The following PVT1 variants were observed in gnomAD, a reference collection of about 807,000 sequenced individuals.
The protein encoded by PVT1 is CXCR4/PVT1 fusion.
At chr8:128,085,011 C>T (rs1160362523) in intron 5 of PVT1, among the ~76,000 whole-genome samples, 1 of 152,180 alleles carries the variant, frequency 6.6e-6, no homozygotes, top group Non-Finnish European at 1.5e-5. Flanking sequence ...AACAAAATGA[C>T]CTTGTTCCTT....
intron 3 of PVT1, among the ~76,000 whole-genome samples, chr8:127,896,821 T>C (rs1815685047): frequency 6.8e-6 from 1 of 146,754 alleles, no homozygotes; most frequent in South Asian, 2.4e-4. Flanking sequence ...CTCAAGTGTT[T>C]TAATCTCTCT....
At chr8:127,830,894 A>G (rs1814841006) in intron 2 of PVT1, among the ~76,000 whole-genome samples, 1 of 152,102 alleles carries the variant, frequency 6.6e-6, no homozygotes, top group African/African-American at 2.4e-5. Context: ...CCCATACTGG[A>G]TGCTTCCTGC....
chr8:127,917,290 A>C (rs1408741352), intron 3 of PVT1, among the ~76,000 whole-genome samples: 1 of 152,222 alleles, frequency 6.6e-6, no homozygotes, highest in African/African-American at 2.4e-5. Flanking sequence ...GAAAAGGCTA[A>C]AACAGCCCCT....
At chr8:128,006,869 C>T (rs1201028486) in intron 4 of PVT1, among the ~76,000 whole-genome samples, 3 of 152,114 alleles carry the variant, frequency 2.0e-5, no homozygotes, top group Non-Finnish European at 4.4e-5. Context: ...GTATTTTTGC[C>T]ATTTTACTGT....
intron 2 of PVT1, among the ~76,000 whole-genome samples, chr8:127,813,369 C>G (rs1814623930): frequency 6.6e-6 from 1 of 151,810 alleles, no homozygotes; most frequent in South Asian, 2.1e-4. Context: ...TTGTAGGTCT[C>G]TTACCCAGTG....
chr8:127,825,661 C>T (rs1034677353), intron 2 of PVT1, among the ~76,000 whole-genome samples: 3 of 151,966 alleles, frequency 2.0e-5, no homozygotes, highest in East Asian at 1.9e-4. Flanking sequence ...GCATGGGATG[C>T]GAATGCAAAA....
chr8:127,967,507 A>G (rs751897445), intron 3 of PVT1, among the ~76,000 whole-genome samples: 5 of 152,338 alleles, frequency 3.3e-5, no homozygotes, highest in East Asian at 3.9e-4. Context: ...TCATCTGTGC[A>G]TGTTCTGGAC....
chr8:127,959,306 G>A (rs1411808340), intron 3 of PVT1, among the ~76,000 whole-genome samples: 1 of 152,172 alleles, frequency 6.6e-6, no homozygotes, highest in Non-Finnish European at 1.5e-5. Context: ...AAAGACCCAG[G>A]CTGGGCGCGG....
intron 3 of PVT1, among the ~76,000 whole-genome samples, chr8:127,894,268 A>T (rs1295709204): frequency 2.0e-5 from 3 of 152,130 alleles, no homozygotes; most frequent in African/African-American, 7.2e-5. Flanking sequence ...CAGGGTGGCA[A>T]TGAGGGAAAG....
At chr8:127,902,201 A>C (rs192167185) in intron 3 of PVT1, among the ~76,000 whole-genome samples, 1 of 152,140 alleles carries the variant, frequency 6.6e-6, no homozygotes, top group Non-Finnish European at 1.5e-5. Flanking sequence ...TTTGGCACGG[A>C]AAGTCCAACA....
chr8:128,049,130 C>T (rs755296236), intron 4 of PVT1: 1 of 523,362 alleles, frequency 1.9e-6, no homozygotes, highest in African/African-American at 2.0e-5. Context: ...CTTTCTTTTT[C>T]CTGGCCGCCA....
At chr8:127,847,565 C>A (rs1385069302) in intron 2 of PVT1, among the ~76,000 whole-genome samples, 3 of 152,124 alleles carry the variant, frequency 2.0e-5, no homozygotes, top group Admixed American at 2.0e-4. Flanking sequence ...AAGCAAAAGA[C>A]TGGGAGTAAC....
chr8:128,028,507 G>C (rs1464122829), intron 4 of PVT1, among the ~76,000 whole-genome samples: 3 of 152,260 alleles, frequency 2.0e-5, no homozygotes, highest in Non-Finnish European at 4.4e-5. Context: ...TGAGCTCTCT[G>C]AGGAGAGGCA....
chr8:127,968,333 T>TCTGG (rs1405888974), intron 3 of PVT1, among the ~76,000 whole-genome samples: 3 of 151,932 alleles, frequency 2.0e-5, no homozygotes, highest in Admixed American at 1.3e-4. Context: ...ACACCATGCA[T>TCTGG]CTGGATGCCT....
chr8:127,936,402 ACT>A (rs1469520997), intron 3 of PVT1, among the ~76,000 whole-genome samples: 2 of 151,810 alleles, frequency 1.3e-5, no homozygotes, highest in Non-Finnish European at 2.9e-5. Flanking sequence ...CCAGGCTAGA[ACT>A]CTCTATTGAA....
chr8:127,801,076 G>C (rs1029888306), intron 2 of PVT1, among the ~76,000 whole-genome samples: 1 of 152,158 alleles, frequency 6.6e-6, no homozygotes, highest in Non-Finnish European at 1.5e-5. Flanking sequence ...AGCCTGTGGG[G>C]GTGAGGAGCA....
intron 3 of PVT1, among the ~76,000 whole-genome samples, chr8:127,970,438 C>T (rs930496324): frequency 2.0e-5 from 3 of 151,944 alleles, no homozygotes; most frequent in Non-Finnish European, 2.9e-5. Context: ...GCTGGGACTA[C>T]AGGCGCCCGC....
chr8:128,096,871 G>A (rs900581230), intron 6 of PVT1, among the ~76,000 whole-genome samples: 11 of 152,218 alleles, frequency 7.2e-5, no homozygotes, highest in Non-Finnish European at 1.3e-4. Context: ...AATGATGGCA[G>A]CAGATGGGCC....
intron 4 of PVT1, among the ~76,000 whole-genome samples, chr8:128,057,345 C>T (rs867156586): frequency 6.6e-6 from 1 of 152,084 alleles, no homozygotes; most frequent in African/African-American, 2.4e-5. Context: ...GGATTCAAAC[C>T]CTTATGACCT....
Sources: gnomAD v4.1 joint callset for allele counts (sites outside exome capture counted in the v4.1 genomes callset) on GRCh38, gnomAD v4.1.1 for gene constraint, MANE v1.5 for transcripts, NCBI Gene and HGNC (gene_info 2026-07-23, HGNC 2026-07-21) for gene names.